THUMPD3: variants seen among roughly 807,000 people sequenced by gnomAD.
THUMPD3 encodes tRNA (guanine(6)-N(2))-methyltransferase THUMP3.
THUMPD3 carries 44 observed loss-of-function variants against 54.5 expected under a neutral mutation model. The observed-to-expected ratio is 0.81, with a 90% CI of 0.63 to 1.04. The LOEUF (loss-of-function observed/expected upper bound fraction) is 1.04, where lower values mean the gene tolerates loss of function less well. Ranked by LOEUF, THUMPD3 falls within the 50% of genes least tolerant of loss-of-function variation. The probability of loss-of-function intolerance (pLI) is 0.00; values close to 1 mark genes in which losing one functional copy is unlikely to be tolerated. For missense variants in THUMPD3, 604 were observed against 601.3 expected, an observed-to-expected ratio of 1.00 and a Z score of -0.05; for synonymous variants, 196 against 201.4, an observed-to-expected ratio of 0.97 and a Z score of 0.23.
At position 9,384,557 on chromosome 3, in the gene THUMPD3, G is replaced by A; in HGVS notation, c.1393G>A (p.Val465Met). The A allele has an allele frequency of 6.2e-7, 1 of 1,614,216 alleles. No homozygotes were observed. Among genetic ancestry groups the A allele is most frequent in the Non-Finnish European group, 8.5e-7 (1 of 1,180,038 alleles). Residue 465 changes from valine to methionine, a missense_variant, in exon 10 of 10, where the codon GTG becomes ATG. Val to Met is a conservative substitution (Grantham distance 21, BLOSUM62 1). Coordinates refer to ENST00000452837, the MANE Select transcript of THUMPD3 (RefSeq NM_001114092.2). ...TGGAATGCGACACGTATGGCGAAAG[G>A]TGGATACAGTCTGGGTGAACGTTGG... ...LSGMRHVWRK[V>M]DTVWVNVGGL... is the part of the protein sequence containing the mutation.
At chr3:9,381,516 C>G (rs1285948031) in intron 7 of THUMPD3, among the ~76,000 whole-genome samples, 2 of 151,914 alleles carry the variant, frequency 1.3e-5, no homozygotes, top group Non-Finnish European at 2.9e-5. Flanking sequence ...AACATTAAAT[C>G]CTTTTACGTG....
chr3:9,377,868 A>G lies in THUMPD3; in HGVS notation c.988A>G (p.Thr330Ala), dbSNP rs781441513. 6.2e-7 allele frequency: 1 copy of G among 1,613,280 alleles called. No individual in the cohort carries two copies. Among genetic ancestry groups the G allele is most frequent in the Non-Finnish European group, 8.5e-7 (1 of 1,179,302 alleles). Reference protein sequence around the residue: ...YDIIVDPMCGTGAIPIEGATE... With the variant: ...YDIIVDPMCGAGAIPIEGATE... ...TATAATAGTCGATCCAATGTGTGGA[A>G]CTGGGGCAATACCAATAGAGGTAAT... Residue 330 changes from threonine to alanine, a missense_variant, in exon 6 of 10, where the codon ACT becomes GCT. Coordinates refer to ENST00000452837, the MANE Select transcript of THUMPD3 (RefSeq NM_001114092.2).
rs1281192090 is a variant in THUMPD3 at position 9,383,278 on chromosome 3, A to G, written c.1204A>G (p.Ile402Val). ...NLPLRTGSVD[I>V]IVTDLPFGKR... ...GCCATTGAGAACTGGCTCTGTGGAT[A>G]TTATTGTAACAGATTTGCCATTTGG... Residue 402 changes from isoleucine to valine, a missense_variant, in exon 8 of 10, where the codon ATT becomes GTT. By Grantham distance (29) the Ile-to-Val change is conservative (BLOSUM62 3). Coordinates refer to ENST00000452837, the MANE Select transcript of THUMPD3 (RefSeq NM_001114092.2). 3 of 1,613,872 alleles carry G rather than the reference A, an allele frequency of 1.9e-6. No homozygotes were observed. The highest frequency in any genetic ancestry group is 4.5e-5 in the East Asian group (2 of 44,876).
In THUMPD3 at chr3:9,386,368, T is replaced by C. The variant is rs1013371829; in HGVS notation, c.*1680T>C. 2 of 147,522 alleles carry C rather than the reference T, an allele frequency of 1.4e-5. No homozygotes were observed. The highest frequency in any genetic ancestry group is 6.8e-5 in the Admixed American group (1 of 14,636). 9.1% of individuals were successfully genotyped at this position (147,522 alleles called of 1,614,324 possible). On this transcript the variant is annotated 3_prime_UTR_variant, in exon 10 of 10. Coordinates refer to ENST00000452837, the MANE Select transcript of THUMPD3 (RefSeq NM_001114092.2). ...CCATGTCTGTTTTCACCACGATGTC[T>C]TTCCCCACCCCCCCACCCCCCACTC... is the stretch of plus-strand genomic sequence containing the variant.
rs369574127 is a variant in THUMPD3, at chr3:9,383,306, A to G, written c.1232A>G (p.Lys411Arg). 17 of 1,604,386 alleles carry G rather than the reference A, an allele frequency of 1.1e-5. No individual in the cohort carries two copies. Among genetic ancestry groups the G allele is most frequent in the African/African-American group, 1.3e-5 (1 of 74,732 alleles). ...ATTGTAACAGATTTGCCATTTGGAA[A>G]AAGGTGAGAAATACTAGTACCTGCT... ...DIIVTDLPFG[K>R]RMGSKKRNWN... The change falls in exon 8 of 10, where the codon AAA (lysine) becomes AGA (arginine). Residue 411 changes from lysine to arginine, a missense_variant. Lys to Arg is a conservative substitution (Grantham distance 26). Coordinates refer to ENST00000452837, the MANE Select transcript of THUMPD3 (RefSeq NM_001114092.2).
intron 3 of THUMPD3, among the ~76,000 whole-genome samples, chr3:9,368,064 C>CA (rs987020138): frequency 1.0e-3 from 150 of 143,420 alleles, no homozygotes; most frequent in African/African-American, 3.5e-3. Flanking sequence ...GACTCCATCT[C>CA]AAAAAAAAAA....
In THUMPD3 at chr3:9,384,628, T is replaced by A. The variant is rs200159088; in HGVS notation, c.1464T>A (p.Ala488=). The A allele has an allele frequency of 3.7e-6, 6 of 1,614,224 alleles. No individual in the cohort carries two copies. In the Middle Eastern group the frequency reaches 9.9e-4, roughly 266 times the overall value. The part of the protein sequence containing the change: ...AVYVLIRTPQ[A]FVHPSEQDGE... ...ACGTTCTGATACGTACACCTCAAGC[T>A]TTTGTTCATCCTTCAGAACAAGACG... Residue 488 remains alanine (A), a synonymous_variant, in exon 10 of 10, where the codon GCT becomes GCA. Transcript: ENST00000452837.
intron 5 of THUMPD3, among the ~76,000 whole-genome samples, chr3:9,376,793 G>C (rs553176724): frequency 6.6e-6 from 1 of 152,328 alleles, no homozygotes. Flanking sequence ...GCCACTAACA[G>C]TAATGCCTCT....
rs181762094 is a variant in THUMPD3 at position 9,384,458 on chromosome 3, T to C, written c.1360-66T>C. On this transcript the variant is annotated intron_variant, in intron 9 of 9. Coordinates refer to ENST00000452837, the MANE Select transcript of THUMPD3 (RefSeq NM_001114092.2). ...CCCTGAGGTTTCCTATCTTGGCAGT[T>C]AAGAATCCTAGTTGATGTAAAAGTA... The C allele has an allele frequency of 4.4e-5, 70 of 1,606,884 alleles. No individual in the cohort carries two copies. The African/African-American group carries it at 8.3e-4, about 19-fold the overall frequency.
At position 9,374,451 on chromosome 3, in the gene THUMPD3, G is replaced by C; in HGVS notation, c.808-65G>C. Reference sequence around the variant, plus strand: ...GGGTGAACCGGCCCAGGTCAGAAAAGTCTTATTACTAAGCGCAGTTTGAAC... The same window carrying C: ...GGGTGAACCGGCCCAGGTCAGAAAACTCTTATTACTAAGCGCAGTTTGAAC... On this transcript the variant is annotated intron_variant, in intron 4 of 9. Coordinates refer to ENST00000452837, the MANE Select transcript of THUMPD3 (RefSeq NM_001114092.2). 3.2e-6 allele frequency: 5 copies of C among 1,583,952 alleles called. No individual in the cohort carries two copies. In the Middle Eastern group the frequency reaches 5.1e-4, roughly 163 times the overall value.
At position 9,371,276 on chromosome 3, in the gene THUMPD3, C is replaced by CATA; in HGVS notation, c.548_550dup (p.His183_Ile184insAsn). 1 of 1,613,698 alleles carries CATA rather than the reference C, an allele frequency of 6.2e-7. No homozygotes were observed. Among genetic ancestry groups the CATA allele is most frequent in the Non-Finnish European group, 8.5e-7 (1 of 1,179,928 alleles). ...GTTCACTAGCCATGCTTTAGATTCT[C>CATA]ATATCTTAGATTATTATGAAAATCC... On this transcript the variant is annotated inframe_insertion, in exon 4 of 10. Transcript: ENST00000452837.
Position 9,386,346 on chromosome 3 carries a change from T to C in THUMPD3, c.*1658T>C, listed in dbSNP as rs2033327792. On this transcript the variant is annotated 3_prime_UTR_variant, in exon 10 of 10. Transcript: ENST00000452837. ...ACAGAACCAGGAAGTTCAAGGACCA[T>C]GTCTGTTTTCACCACGATGTCTTTC... 1.3e-5 allele frequency: 2 copies of C among 151,950 alleles called. No individual in the cohort carries two copies. The highest frequency in any genetic ancestry group is 2.1e-4 in the South Asian group (1 of 4,814). 9.4% of individuals were successfully genotyped at this position (151,950 alleles called of 1,614,324 possible). A position where few individuals can be genotyped will look rare whatever the true frequency, so the allele number is the denominator to read the frequency against.
intron 5 of THUMPD3, among the ~76,000 whole-genome samples, chr3:9,376,242 A>G (rs2032448960): frequency 6.6e-6 from 1 of 152,162 alleles, no homozygotes; most frequent in African/African-American, 2.4e-5. Context: ...TCTACAGAAA[A>G]ACTGAATGTT....
Position 9,385,074 on chromosome 3 carries a change from A to G in THUMPD3, c.*386A>G. 5.5e-6 allele frequency: 1 copy of G among 181,290 alleles called. No homozygotes were observed. 11.2% of individuals were successfully genotyped at this position (181,290 alleles called of 1,614,324 possible). On this transcript the variant is annotated 3_prime_UTR_variant, in exon 10 of 10. Coordinates refer to ENST00000452837, the MANE Select transcript of THUMPD3 (RefSeq NM_001114092.2). ...AGAATCACTTGAACCCAGCAGGCGGAGGTTGCGGTGAGTCGAGATCACGCC... is the reference window on the plus strand; with the variant it reads ...AGAATCACTTGAACCCAGCAGGCGGGGGTTGCGGTGAGTCGAGATCACGCC...
At chr3:9,365,464 T>C in intron 2 of THUMPD3, 144 bp downstream of exon 2, 1 of 1,036,590 alleles carries the variant, frequency 9.6e-7, no homozygotes, top group Non-Finnish European at 1.4e-6. Flanking sequence ...GCATTTTCTA[T>C]TGAGTACTGA....
chr3:9,371,160 C>T lies in THUMPD3; in HGVS notation c.431C>T (p.Ala144Val). The T allele has an allele frequency of 6.2e-7, 1 of 1,611,110 alleles. No homozygotes were observed. The highest frequency in any genetic ancestry group is 1.3e-5 in the African/African-American group (1 of 74,748). ...AATGCCAGTTTTAAAAAGAAAAAAGCAAAGCGCAAAAAGATAAATCAGAAT... is the reference window on the plus strand; with the variant it reads ...AATGCCAGTTTTAAAAAGAAAAAAGTAAAGCGCAAAAAGATAAATCAGAAT... ...KINASFKKKK[A>V]KRKKINQNSS... The change falls in exon 4 of 10, where the codon GCA (alanine) becomes GTA (valine). Residue 144 changes from alanine (A) to valine (V), a missense_variant. Coordinates refer to ENST00000452837, the MANE Select transcript of THUMPD3 (RefSeq NM_001114092.2).
At chr3:9,365,637 G>A (rs1382588907) in intron 2 of THUMPD3, among the ~76,000 whole-genome samples, 1 of 151,416 alleles carries the variant, frequency 6.6e-6, no homozygotes, top group Non-Finnish European at 1.5e-5. Context: ...CTGTCATCAG[G>A]CTGGAGTGCA....
In THUMPD3 at chr3:9,365,150, A is replaced by G. The variant is rs2031424269; in HGVS notation, c.82A>G (p.Ser28Gly). 6.2e-7 allele frequency: 1 copy of G among 1,614,114 alleles called. No homozygotes were observed. The highest frequency in any genetic ancestry group is 1.3e-5 in the African/African-American group (1 of 74,944). The change falls in exon 2 of 10, where the codon AGT becomes GGT. Residue 28 changes from serine (S) to glycine (G), a missense_variant. Ser to Gly is a moderately conservative substitution (Grantham distance 56, BLOSUM62 0). Transcript: ENST00000452837. The part of the protein sequence containing the change: ...ENQKSVQVTE[S>G]DLGSESELLV... ...CCAGAAGTCTGTACAAGTGACAGAA[A>G]GTGACCTCGGAAGTGAATCTGAGCT...
At position 9,381,756 on chromosome 3, in the gene THUMPD3, C is replaced by CTTTTTTTTTT. The variant is rs753480713; in HGVS notation, c.1124+1170_1124+1179dup. The stretch of plus-strand genomic sequence containing the variant: ...ACCTACACTGTCTGTTCAACCCGTA[C>CTTTTTTTTTT]TTTTTTTTTTTTTTTTTTTTTTTTT... On this transcript the variant is annotated intron_variant, in intron 7 of 9. Coordinates refer to ENST00000452837, the MANE Select transcript of THUMPD3 (RefSeq NM_001114092.2). Among the ~76,000 whole-genome samples the CTTTTTTTTTT allele has an allele frequency of 2.9e-4, 13 of 44,370 alleles. 6 individuals are homozygous for CTTTTTTTTTT. Among genetic ancestry groups the CTTTTTTTTTT allele is most frequent in the African/African-American group, 1.3e-3 (13 of 9,752 alleles). 29.1% of individuals were successfully genotyped at this position (44,370 alleles called of 152,430 possible). A position where few individuals can be genotyped will look rare whatever the true frequency, so the allele number is the denominator to read the frequency against.
Sources: allele counts gnomAD v4.1 joint callset (sites outside exome capture counted in the v4.1 genomes callset), GRCh38; gene constraint gnomAD v4.1.1; transcripts MANE v1.5; gene names NCBI Gene and HGNC (gene_info 2026-07-23, HGNC 2026-07-21).